The following TUBGCP3 variants were observed in gnomAD, a reference collection of about 807,000 sequenced individuals.
TUBGCP3 encodes the protein gamma-tubulin complex component 3.
A neutral mutation model predicts 123.1 loss-of-function variants in TUBGCP3; 50 were observed. The observed-to-expected ratio is 0.41, with a 90% CI of 0.32 to 0.51. TUBGCP3 has a LOEUF of 0.51. Ranked by LOEUF, TUBGCP3 falls within the 20% of genes least tolerant of loss-of-function variation. TUBGCP3 has a pLI of 0.36. For missense variants in TUBGCP3, 882 were observed against 1,127.0 expected (o/e 0.78, Z 3.11); for synonymous variants, 405 against 413.9 (o/e 0.98, Z 0.26).
Position 112,551,087 on chromosome 13 carries a change from AGAC to A in TUBGCP3, c.967-2914_967-2912del, listed in dbSNP as rs532326599. On this transcript the variant is annotated intron_variant, in intron 8 of 21. Coordinates refer to ENST00000261965, the MANE Select transcript of TUBGCP3 (RefSeq NM_006322.6). ...GCACTCCAGCCTGGGTGACAGAGCG[AGAC>A]GACTCCGTCTCAAAAAAAAAACAAA... Among the ~76,000 whole-genome samples, 95 of 152,076 alleles carry A rather than the reference AGAC, an allele frequency of 6.2e-4. No individual in the cohort carries two copies. In the Middle Eastern group the frequency reaches 0.017, roughly 27 times the overall value.
Position 112,522,345 on chromosome 13 carries a change from T to C in TUBGCP3, c.1720A>G (p.Ile574Val). The C allele has an allele frequency of 6.2e-7, 1 of 1,608,342 alleles. No homozygotes were observed. The highest frequency in any genetic ancestry group is 8.5e-7 in the Non-Finnish European group (1 of 1,175,556). Reference protein sequence around the residue: ...RYLLLGQGDFIRHLMDLLKPE... With the variant: ...RYLLLGQGDFVRHLMDLLKPE... ...TTTAGCAAGTCCATTAAGTGCCTTATAAAGTCTCCTTGACCAAGAAGCAGG... is the reference window on the plus strand; with the variant it reads ...TTTAGCAAGTCCATTAAGTGCCTTACAAAGTCTCCTTGACCAAGAAGCAGG... The change falls in exon 14 of 22, where the codon ATA becomes GTA. Residue 574 changes from isoleucine (I) to valine (V), a missense_variant. Coordinates refer to ENST00000261965, the MANE Select transcript of TUBGCP3 (RefSeq NM_006322.6).
At chr13:112,586,313 A>G (rs1487712425) in intron 1 of TUBGCP3, among the ~76,000 whole-genome samples, 2 of 152,200 alleles carry the variant, frequency 1.3e-5, no homozygotes, top group African/African-American at 2.4e-5. Flanking sequence ...AAATCCAATT[A>G]TAACAATGGG....
chr13:112,500,661 T>C (rs1347859756), intron 19 of TUBGCP3, among the ~76,000 whole-genome samples: 1 of 152,158 alleles, frequency 6.6e-6, no homozygotes, highest in African/African-American at 2.4e-5. Context: ...GAAACCGAGA[T>C]AACAGGAGAG....
intron 1 of TUBGCP3, among the ~76,000 whole-genome samples, chr13:112,569,905 A>G (rs1448778324): frequency 6.6e-6 from 1 of 152,212 alleles, no homozygotes; most frequent in East Asian, 1.9e-4. Flanking sequence ...GGAACACTAA[A>G]TGTCCGTCAA....
intron 2 of TUBGCP3, among the ~76,000 whole-genome samples, chr13:112,567,841 CA>C (rs769672962): frequency 1.3e-5 from 2 of 152,228 alleles, no homozygotes; most frequent in Non-Finnish European, 2.9e-5. Flanking sequence ...ATGCAACAGC[CA>C]GGGGTGGAAA....
At chr13:112,512,200 C>T (rs1388845386) in intron 17 of TUBGCP3, among the ~76,000 whole-genome samples, 1 of 152,148 alleles carries the variant, frequency 6.6e-6, no homozygotes, top group East Asian at 1.9e-4. Context: ...GCGGGCAGAT[C>T]ACTTGAGGCC....
rs563578429 is a variant in TUBGCP3, at chr13:112,497,281, C to T, written c.2448+1764G>A. The stretch of plus-strand genomic sequence containing the variant: ...AGTTAGGTAGAATCGTGAGTATATC[C>T]GACTTTAAGTTATCCATAGGGTTGC... On this transcript the variant is annotated intron_variant, in intron 20 of 21. Coordinates refer to ENST00000261965, the MANE Select transcript of TUBGCP3 (RefSeq NM_006322.6). Among the ~76,000 whole-genome samples, 9 of 152,218 alleles carry T rather than the reference C, an allele frequency of 5.9e-5. No homozygotes were observed. In the South Asian group the frequency reaches 1.7e-3, roughly 28 times the overall value.
intron 14 of TUBGCP3, among the ~76,000 whole-genome samples, chr13:112,521,412 T>A (rs1338071107): frequency 6.6e-6 from 1 of 152,194 alleles, no homozygotes. Context: ...TCTCAAACAG[T>A]GCTTCTCAAT....
chr13:112,526,904 C>T (rs1877176198), intron 13 of TUBGCP3, 38 bp downstream of exon 13: 1 of 1,426,558 alleles, frequency 7.0e-7, no homozygotes, highest in Non-Finnish European at 9.9e-7. Context: ...CAACATCACA[C>T]CATTGCCATC....
At chr13:112,528,461 A>G (rs987295177) in intron 11 of TUBGCP3, among the ~76,000 whole-genome samples, 2 of 152,184 alleles carry the variant, frequency 1.3e-5, no homozygotes, top group Non-Finnish European at 2.9e-5. Context: ...GTCATTAACC[A>G]AAAATGAAGC....
chr13:112,499,583 A>T (rs1880762419), intron 19 of TUBGCP3, among the ~76,000 whole-genome samples: 1 of 152,108 alleles, frequency 6.6e-6, no homozygotes, highest in East Asian at 1.9e-4. Flanking sequence ...ATAGGAAAGC[A>T]TCTCCATTTT....
At chr13:112,593,742 C>T in the TUBGCP3 span, among the ~76,000 whole-genome samples, 1 of 151,688 alleles carries the variant, frequency 6.6e-6, no homozygotes, top group Non-Finnish European at 1.5e-5. Context: ...ATACGGAAAA[C>T]AGAAGAAACT....
intron 3 of TUBGCP3, among the ~76,000 whole-genome samples, chr13:112,563,266 CCTAA>C (rs1461512022): frequency 6.6e-6 from 1 of 152,112 alleles, no homozygotes; most frequent in African/African-American, 2.4e-5. Flanking sequence ...CATACGGGGC[CCTAA>C]CTAAGACAAG....
upstream of TUBGCP3, among the ~76,000 whole-genome samples, chr13:112,589,782 C>T (rs952171995): frequency 1.3e-5 from 2 of 152,154 alleles, no homozygotes; most frequent in Non-Finnish European, 2.9e-5. Flanking sequence ...GTATAGCAAA[C>T]AGGGTGGCCA....
chr13:112,527,313 C>T (rs1877214029), intron 12 of TUBGCP3, 61 bp downstream of exon 12: 1 of 1,276,300 alleles, frequency 7.8e-7, no homozygotes, highest in Non-Finnish European at 1.1e-6. Flanking sequence ...GGTTTTGTCA[C>T]ATAATCTAAG....
chr13:112,539,127 T>TA (rs1878296140), intron 11 of TUBGCP3, among the ~76,000 whole-genome samples: 1 of 152,200 alleles, frequency 6.6e-6, no homozygotes. Context: ...ATGTTCTCCT[T>TA]AAAGTAGCAG....
At chr13:112,512,949 C>T (rs1312072083) in intron 17 of TUBGCP3, among the ~76,000 whole-genome samples, 6 of 152,194 alleles carry the variant, frequency 3.9e-5, no homozygotes, top group Non-Finnish European at 2.9e-5. Flanking sequence ...AACCTGACTA[C>T]GTAAATTTCA....
intron 5 of TUBGCP3, among the ~76,000 whole-genome samples, chr13:112,556,910 C>T (rs9550147): frequency 0.16 from 23,990 of 152,162 alleles, 2,151 homozygotes; most frequent in East Asian, 0.21. Flanking sequence ...ATATCACTTC[C>T]TGGGACTACA....
At chr13:112,520,817 C>CTA (rs1344306829) in intron 14 of TUBGCP3, among the ~76,000 whole-genome samples, 3 of 152,170 alleles carry the variant, frequency 2.0e-5, no homozygotes, top group African/African-American at 7.2e-5. Flanking sequence ...TAACACGTCT[C>CTA]TAATCGGGGG....
Sources: gnomAD v4.1 joint callset for allele counts (sites outside exome capture counted in the v4.1 genomes callset) on GRCh38, gnomAD v4.1.1 for gene constraint, MANE v1.5 for transcripts, NCBI Gene and HGNC (gene_info 2026-07-23, HGNC 2026-07-21) for gene names.